ATG7: variants seen among roughly 807,000 people sequenced by gnomAD.
The protein encoded by ATG7 is ubiquitin-like modifier-activating enzyme ATG7.
A neutral mutation model predicts 82.4 loss-of-function variants in ATG7; 70 were observed. The observed-to-expected ratio is 0.85, with a 90% confidence interval of 0.70 to 1.04. The LOEUF (loss-of-function observed/expected upper bound fraction) is 1.04, where lower values mean the gene tolerates loss of function less well. ATG7 is among the 50% of genes least tolerant of loss of function. The probability of loss-of-function intolerance (pLI) is 0.00; values close to 1 mark genes in which losing one functional copy is unlikely to be tolerated. For synonymous variants in ATG7, 287 were observed against 313.0 expected (o/e 0.92, Z 0.88); for missense variants, 792 against 864.3 (o/e 0.92, Z 1.05).
chr3:11,475,420 AG>A (rs893661622), intron 20 of ATG7, among the ~76,000 whole-genome samples: 1 of 152,154 alleles, frequency 6.6e-6, no homozygotes, highest in Non-Finnish European at 1.5e-5. Context: ...CATGATGGGC[AG>A]GGGGCTGGCG....
intron 3 of ATG7, among the ~76,000 whole-genome samples, chr3:11,288,493 T>C (rs1403354264): frequency 1.3e-5 from 2 of 152,350 alleles, no homozygotes; most frequent in African/African-American, 4.8e-5. Context: ...TTTATCTCTC[T>C]CTTTGTCTTC....
intron 20 of ATG7, among the ~76,000 whole-genome samples, chr3:11,548,616 G>A (rs1356979241): frequency 2.0e-5 from 3 of 152,140 alleles, no homozygotes; most frequent in Non-Finnish European, 2.9e-5. Context: ...TTAAACAAAG[G>A]TGGTATGCTA....
At chr3:11,415,323 AT>A (rs1224111417) in intron 19 of ATG7, among the ~76,000 whole-genome samples, 2 of 152,210 alleles carry the variant, frequency 1.3e-5, no homozygotes, top group African/African-American at 4.8e-5. Context: ...GGTCTAGGAC[AT>A]TTTGTACACC....
At chr3:11,566,711 G>A in the ATG7 span, among the ~76,000 whole-genome samples, 1 of 152,136 alleles carries the variant, frequency 6.6e-6, no homozygotes, top group Non-Finnish European at 1.5e-5. Context: ...GCCAACCACA[G>A]CTGCAGTGTA....
At chr3:11,450,377 C>A (rs1305381263) in intron 20 of ATG7, among the ~76,000 whole-genome samples, 4 of 152,166 alleles carry the variant, frequency 2.6e-5, no homozygotes, top group African/African-American at 9.7e-5. Context: ...TTCATGTTCT[C>A]CAAACCTCAG....
intron 6 of ATG7, among the ~76,000 whole-genome samples, 193 bp downstream of exon 6, chr3:11,307,253 G>A (rs113152568): frequency 0.02 from 2,970 of 152,276 alleles, 101 homozygotes; most frequent in East Asian, 0.071. Flanking sequence ...GGAAGGTCAG[G>A]GAGAGGACAT....
chr3:11,437,442 C>G lies in ATG7; in HGVS notation c.2079+10516C>G, dbSNP rs536086177. On this transcript the variant is annotated intron_variant, in intron 20 of 20. Transcript: ENST00000693202. ...AGTTGGCTCCATCCATAGAAGACATCGCAGATAAAGGGGTTAGGGGAAGAT... is the reference window on the plus strand; with the variant it reads ...AGTTGGCTCCATCCATAGAAGACATGGCAGATAAAGGGGTTAGGGGAAGAT... 2.0e-5 allele frequency among the ~76,000 whole-genome samples: 3 copies of G among 152,260 alleles called. No homozygotes were observed. The East Asian group carries it at 5.8e-4, about 29-fold the overall frequency.
At chr3:11,333,116 T>G in intron 11 of ATG7, 23 bp downstream of exon 11, 1 of 1,530,358 alleles carries the variant, frequency 6.5e-7, no homozygotes, top group Non-Finnish European at 8.8e-7. Flanking sequence ...TCTTTGAAAA[T>G]GCATATAATT....
intron 20 of ATG7, among the ~76,000 whole-genome samples, chr3:11,544,601 G>T (rs901381328): frequency 1.3e-5 from 2 of 152,228 alleles, no homozygotes; most frequent in African/African-American, 4.8e-5. Context: ...CCCGCCTGGG[G>T]ATGCTCACAG....
chr3:11,573,354 A>AG, the ATG7 span, among the ~76,000 whole-genome samples: 1 of 101,746 alleles, frequency 9.8e-6, no homozygotes, highest in Non-Finnish European at 2.5e-5. Context: ...AAAGAAAGAA[A>AG]GAAAGAAAGA....
At chr3:11,568,378 G>A in the ATG7 span, among the ~76,000 whole-genome samples, 239 of 152,294 alleles carry the variant, frequency 1.6e-3, 1 homozygote, top group Middle Eastern at 6.8e-3. The surrounding 1 kb of genome is among the most constrained non-coding windows in gnomAD (Gnocchi z 5.9). Context: ...AGGTAAGGAC[G>A]GGGCAGCCCT....
At chr3:11,343,483 G>T (rs1953991863) in intron 13 of ATG7, among the ~76,000 whole-genome samples, 2 of 151,638 alleles carry the variant, frequency 1.3e-5, no homozygotes, top group African/African-American at 4.9e-5. Flanking sequence ...TTTTTATTGG[G>T]GCAATTAACC....
At chr3:11,428,662 T>C (rs1002149786) in intron 20 of ATG7, among the ~76,000 whole-genome samples, 1 of 152,238 alleles carries the variant, frequency 6.6e-6, no homozygotes, top group African/African-American at 2.4e-5. Flanking sequence ...ACATTGTGTT[T>C]ATTGTCTGCC....
chr3:11,299,079 C>T, intron 4 of ATG7: 1 of 594,938 alleles, frequency 1.7e-6, no homozygotes, highest in Non-Finnish European at 2.9e-6. Context: ...ATTATTAATC[C>T]AAATAATACC....
intron 14 of ATG7, among the ~76,000 whole-genome samples, chr3:11,351,217 G>A (rs943220293): frequency 2.6e-5 from 4 of 152,190 alleles, no homozygotes; most frequent in Admixed American, 2.6e-4. Flanking sequence ...GGAGCTTAAA[G>A]TCTAGTGGGG....
chr3:11,561,500 G>A (rs1448889759), downstream of ATG7, among the ~76,000 whole-genome samples: 1 of 152,172 alleles, frequency 6.6e-6, no homozygotes. Context: ...CCAGGCTGCA[G>A]GGTGGCCCGT....
intron 20 of ATG7, among the ~76,000 whole-genome samples, chr3:11,505,816 C>T (rs975090510): frequency 5.9e-5 from 9 of 152,172 alleles, no homozygotes; most frequent in African/African-American, 1.9e-4. Flanking sequence ...AGTCAGTGCT[C>T]GCCATTGGTC....
chr3:11,360,716 C>G lies in ATG7; in HGVS notation c.1615C>G (p.Leu539Val). The change falls in exon 16 of 21, where the codon CTT becomes GTT. Residue 539 changes from leucine (L) to valine (V), a missense_variant. Leu to Val is a conservative substitution (Grantham distance 32). Transcript: ENST00000693202. ...VASADLLGSS[L>V]FANIPGYKLG... is the part of the protein sequence containing the mutation. Reference sequence around the variant, plus strand: ...ATCTGCTGACCTCCTGGGCTCATCGCTTTTTGCCAACATCCCTGGTTACAA... The same window carrying G: ...ATCTGCTGACCTCCTGGGCTCATCGGTTTTTGCCAACATCCCTGGTTACAA... 1 of 1,614,152 alleles carries G rather than the reference C, an allele frequency of 6.2e-7. No homozygotes were observed. Among genetic ancestry groups the G allele is most frequent in the Non-Finnish European group, 8.5e-7 (1 of 1,180,014 alleles).
chr3:11,499,761 A>G (rs2091179973), intron 20 of ATG7, among the ~76,000 whole-genome samples: 4 of 151,782 alleles, frequency 2.6e-5, no homozygotes, highest in African/African-American at 9.7e-5. Context: ...AAAAAAAAAA[A>G]AAGAAACAAA....
Sources: allele counts gnomAD v4.1 joint callset (sites outside exome capture counted in the v4.1 genomes callset), GRCh38; gene constraint gnomAD v4.1.1; non-coding constraint Gnocchi (gnomAD v3.1); transcripts MANE v1.5; gene names NCBI Gene and HGNC (gene_info 2026-07-23, HGNC 2026-07-21).